FRMPD3: variants seen among roughly 807,000 people sequenced by gnomAD.
The protein encoded by FRMPD3 is FERM and PDZ domain containing 3, also known as FERM and PDZ domain-containing protein 3.
FRMPD3 carries 42 observed loss-of-function variants against 97.9 expected under a neutral mutation model. That is an observed-to-expected ratio of 0.43 (90% CI 0.34 to 0.55). The LOEUF (loss-of-function observed/expected upper bound fraction) is 0.55, where lower values mean the gene tolerates loss of function less well. Ranked by LOEUF, FRMPD3 falls within the 20% of genes least tolerant of loss-of-function variation. The probability of loss-of-function intolerance (pLI) is 0.03; values close to 1 mark genes in which losing one functional copy is unlikely to be tolerated. For missense variants in FRMPD3, 1,303 were observed against 1,457.7 expected, an observed-to-expected ratio of 0.89 and a Z score of 1.73; for synonymous variants, 577 against 581.1, an observed-to-expected ratio of 0.99 and a Z score of 0.10.
In FRMPD3 at chrX:107,604,769, G is replaced by C. The variant is rs1326028693; in HGVS notation, c.*1396G>C. The C allele has an allele frequency of 9.0e-6, 1 of 111,250 alleles. No individual in the cohort carries two copies. Among genetic ancestry groups the C allele is most frequent in the Non-Finnish European group, 1.9e-5 (1 of 53,058 alleles). 9.2% of individuals were successfully genotyped at this position (111,250 alleles called of 1,213,427 possible). A position where few individuals can be genotyped will look rare whatever the true frequency, so the allele number is the denominator to read the frequency against. On this transcript the variant is annotated 3_prime_UTR_variant, in exon 15 of 15. Transcript: ENST00000683843. ...CTGCCTCTGTTTCATCACTGTGTCA[G>C]AGGCCCATGTGAAATCTTTCATTCT...
chrX:107,499,503 C>T (rs968224562), intron 1 of FRMPD3, among the ~76,000 whole-genome samples: 2 of 111,997 alleles, frequency 1.8e-5, no homozygotes, highest in Admixed American at 9.4e-5. Flanking sequence ...ATAATAGTGA[C>T]TCATCATGGG....
chrX:107,541,304 A>G (rs1396512421), intron 4 of FRMPD3, among the ~76,000 whole-genome samples: 1 of 112,676 alleles, frequency 8.9e-6, no homozygotes. Context: ...GAGGCTCCTC[A>G]TATCACACTG....
chrX:107,555,369 T>G (rs1173942100), intron 8 of FRMPD3, among the ~76,000 whole-genome samples: 1 of 111,939 alleles, frequency 8.9e-6, no homozygotes. Context: ...CAGCGGTTCT[T>G]AAAGTGTGGC....
intron 1 of FRMPD3, among the ~76,000 whole-genome samples, chrX:107,515,207 G>A (rs1427226892): frequency 9.0e-6 from 1 of 111,399 alleles, no homozygotes; most frequent in Non-Finnish European, 1.9e-5. Flanking sequence ...AAAAAGAATA[G>A]AGAGAGACTA....
chrX:107,553,343 A>T (rs1190065715), intron 7 of FRMPD3, among the ~76,000 whole-genome samples: 1 of 106,520 alleles, frequency 9.4e-6, no homozygotes, highest in East Asian at 3.0e-4. Context: ...CACTTATCCT[A>T]GGACAAGTGG....
At chrX:107,572,599 G>A (rs777787292) in intron 12 of FRMPD3, among the ~76,000 whole-genome samples, 1 of 110,900 alleles carries the variant, frequency 9.0e-6, no homozygotes, top group South Asian at 3.9e-4. Context: ...TTAGTCAGAT[G>A]TGGTGGCACA....
chrX:107,514,242 G>C (rs761179221), intron 1 of FRMPD3, among the ~76,000 whole-genome samples: 2 of 111,899 alleles, frequency 1.8e-5, no homozygotes, highest in Non-Finnish European at 3.8e-5. Flanking sequence ...AAGAGATCAC[G>C]CAGGGCCTTA....
chrX:107,504,511 GA>G (rs1444374350), intron 1 of FRMPD3, among the ~76,000 whole-genome samples: 1 of 112,350 alleles, frequency 8.9e-6, no homozygotes, highest in Non-Finnish European at 1.9e-5. Flanking sequence ...GGAGAGAGTA[GA>G]AAAGAGTGCT....
intron 13 of FRMPD3, among the ~76,000 whole-genome samples, chrX:107,583,992 G>C (rs1026612312): frequency 9.4e-6 from 1 of 106,392 alleles, no homozygotes; most frequent in Non-Finnish European, 1.9e-5. Flanking sequence ...TCAGCCTCCC[G>C]AGTAGCTGCA....
intron 8 of FRMPD3, chrX:107,555,179 A>G (rs900774209): frequency 4.4e-5 from 5 of 112,640 alleles, no homozygotes; most frequent in Non-Finnish European, 9.4e-5. Context: ...CCTTGCATTT[A>G]CAAAGCCATG....
At chrX:107,485,640 A>C (rs1339583644) in intron 1 of FRMPD3, among the ~76,000 whole-genome samples, 2 of 111,749 alleles carry the variant, frequency 1.8e-5, no homozygotes, top group Non-Finnish European at 3.8e-5. Flanking sequence ...GCCTCATCTG[A>C]TCAATTTTAG....
Position 107,563,132 on chromosome X carries a change from C to A in FRMPD3, c.1048C>A (p.Leu350Ile). 3.3e-6 allele frequency: 4 copies of A among 1,210,011 alleles called. No homozygotes were observed. Among genetic ancestry groups the A allele is most frequent in the Non-Finnish European group, 4.5e-6 (4 of 894,690 alleles). Residue 350 changes from leucine to isoleucine, a missense_variant, in exon 11 of 15, where the codon CTC (leucine) becomes ATC (isoleucine). Leu to Ile is a conservative substitution (Grantham distance 5). Around this residue, in one of 3 missense-constraint regions of FRMPD3, gnomAD observed 535 missense variants for 618.6 expected, o/e 0.86. Coordinates refer to ENST00000683843, the MANE Select transcript of FRMPD3 (RefSeq NM_001388459.1). Reference sequence around the variant, plus strand: ...ACAGGGCTCTGCAATTCAGGCAAAGCTCCAGTATCTACGAATTCTGAATGA... The same window carrying A: ...ACAGGGCTCTGCAATTCAGGCAAAGATCCAGTATCTACGAATTCTGAATGA... ...GTKGSAIQAK[L>I]QYLRILNELP...
At chrX:107,501,353 A>ATTTT (rs1180253334) in intron 1 of FRMPD3, among the ~76,000 whole-genome samples, 3 of 44,735 alleles carry the variant, frequency 6.7e-5, no homozygotes, top group African/African-American at 9.6e-5. Flanking sequence ...CTTGTCTCCT[A>ATTTT]TTTTTTTTTT....
chrX:107,600,585 A>G lies in FRMPD3; in HGVS notation c.2546A>G (p.Gln849Arg), dbSNP rs1924446810. Reference protein sequence around the residue: ...NPSLQPIATGQSPGPPGARRK... With the variant: ...NPSLQPIATGRSPGPPGARRK... Reference sequence around the variant, plus strand: ...TCTCTCCAACCCATTGCCACAGGCCAGAGTCCTGGCCCCCCTGGCGCTCGG... The same window carrying G: ...TCTCTCCAACCCATTGCCACAGGCCGGAGTCCTGGCCCCCCTGGCGCTCGG... Residue 849 changes from glutamine to arginine, a missense_variant, in exon 15 of 15, where the codon CAG (glutamine) becomes CGG (arginine). Gln to Arg is a conservative substitution (Grantham distance 43). Around this residue, in one of 3 missense-constraint regions of FRMPD3, gnomAD observed 764 missense variants for 820.2 expected, o/e 0.93. Coordinates refer to ENST00000683843, the MANE Select transcript of FRMPD3 (RefSeq NM_001388459.1). 3 of 1,210,904 alleles carry G rather than the reference A, an allele frequency of 2.5e-6. No individual in the cohort carries two copies. The highest frequency in any genetic ancestry group is 3.4e-6 in the Non-Finnish European group (3 of 895,325).
intron 13 of FRMPD3, among the ~76,000 whole-genome samples, chrX:107,584,672 T>A (rs1459494758): frequency 8.0e-5 from 9 of 112,186 alleles, no homozygotes; most frequent in African/African-American, 2.9e-4. Flanking sequence ...GGCTAGCCAG[T>A]TTTCCCAGCA....
chrX:107,509,871 A>G (rs1309039179), intron 1 of FRMPD3, among the ~76,000 whole-genome samples: 1 of 111,399 alleles, frequency 9.0e-6, no homozygotes, highest in African/African-American at 3.3e-5. Context: ...GCCTTAATTT[A>G]TCTCCATATC....
rs779580220 is a variant in FRMPD3, at chrX:107,600,414, A to C, written c.2375A>C (p.His792Pro). The change falls in exon 15 of 15, where the codon CAC becomes CCC. Residue 792 changes from histidine to proline, a missense_variant. His to Pro is a moderately conservative substitution (Grantham distance 77). Transcript: ENST00000683843. ...MSEMMSAMKQ[H>P]QNTTYFLAQH... ...GAGATGATGTCGGCCATGAAGCAGC[A>C]CCAGAACACCACCTACTTCCTGGCC... 4.1e-6 allele frequency: 5 copies of C among 1,208,798 alleles called. No homozygotes were observed. In the East Asian group the frequency reaches 1.5e-4, roughly 36 times the overall value.
In FRMPD3 at chrX:107,603,411, G is replaced by A; in HGVS notation, c.*38G>A. On this transcript the variant is annotated 3_prime_UTR_variant, in exon 15 of 15. Coordinates refer to ENST00000683843, the MANE Select transcript of FRMPD3 (RefSeq NM_001388459.1). ...CACCTGTCCCCCTTCCCCAACCATG[G>A]CCCCAGGTTTGAGCTTTGTGGTCCT... 1 of 1,121,153 alleles carries A rather than the reference G, an allele frequency of 8.9e-7. No homozygotes were observed. Among genetic ancestry groups the A allele is most frequent in the South Asian group, 2.2e-5 (1 of 45,148 alleles). 92.4% of individuals were successfully genotyped at this position (1,121,153 alleles called of 1,213,427 possible). A position where few individuals can be genotyped will look rare whatever the true frequency, so the allele number is the denominator to read the frequency against.
rs749221005 is a variant in FRMPD3, at chrX:107,523,300, G to A, written c.-7-3282G>A. ...GAAAGGGCTGCTTGCAGAATTGAAG[G>A]CAGTTAAGGGCAGTTAGTCCAGCTC... is the stretch of plus-strand genomic sequence containing the variant. On this transcript the variant is annotated intron_variant, in intron 1 of 14. Transcript: ENST00000683843. Among the ~76,000 whole-genome samples, 3 of 111,947 alleles carry A rather than the reference G, an allele frequency of 2.7e-5. No individual in the cohort carries two copies. In the South Asian group the frequency reaches 1.1e-3, roughly 42 times the overall value.
Sources: gnomAD v4.1 joint callset for allele counts (sites outside exome capture counted in the v4.1 genomes callset) on GRCh38, gnomAD v4.1.1 for gene constraint, gnomAD v4.1.1 regional missense constraint, MANE v1.5 for transcripts, NCBI Gene and HGNC (gene_info 2026-07-23, HGNC 2026-07-21) for gene names.